The following MAPRE2 variants were observed in gnomAD, a reference collection of about 807,000 sequenced individuals.
MAPRE2 encodes microtubule associated protein RP/EB family member 2.
MAPRE2 carries 13 observed loss-of-function variants against 43.2 expected under a neutral mutation model. The ratio of observed to expected loss-of-function variants is 0.30; its 90% CI spans 0.20 to 0.48. The LOEUF (loss-of-function observed/expected upper bound fraction) is 0.48. MAPRE2 is among the 20% of genes least tolerant of loss of function. The pLI, the probability that MAPRE2 is intolerant of heterozygous loss-of-function variation, is 0.99. For missense variants in MAPRE2, 161 were observed against 400.2 expected (o/e 0.40, Z 5.10); for synonymous variants, 135 against 148.8 (o/e 0.91, Z 0.68).
In MAPRE2 at chr18:35,077,290, C is replaced by A. The variant is rs932469322; in HGVS notation, c.250+6968C>A. Among the ~76,000 whole-genome samples, 4 of 150,366 alleles carry A rather than the reference C, an allele frequency of 2.7e-5. No homozygotes were observed. In the South Asian group the frequency reaches 6.2e-4, roughly 23 times the overall value. On this transcript the variant is annotated intron_variant, in intron 2 of 6. Coordinates refer to ENST00000300249, the MANE Select transcript of MAPRE2 (RefSeq NM_014268.4). ...ACACACATACACACACACACACACA[C>A]AATTGGTACAAAGCAGTACCATTAG...
chr18:35,051,219 C>T (rs1385572865), intron 1 of MAPRE2, among the ~76,000 whole-genome samples: 10 of 152,070 alleles, frequency 6.6e-5, no homozygotes, highest in South Asian at 2.1e-4. Flanking sequence ...ACCTTCCCTT[C>T]GACACTTGTT....
At chr18:35,097,863 GA>G (rs1908498098) in intron 3 of MAPRE2, among the ~76,000 whole-genome samples, 1 of 152,178 alleles carries the variant, frequency 6.6e-6, no homozygotes, top group East Asian at 1.9e-4. Flanking sequence ...TTGCAGATGA[GA>G]AACTTTTAAT....
chr18:34,998,167 C>T (rs1364175637), intron 1 of MAPRE2, among the ~76,000 whole-genome samples: 1 of 151,974 alleles, frequency 6.6e-6, no homozygotes, highest in African/African-American at 2.4e-5. Flanking sequence ...TAAGGCAGAC[C>T]CCACAGCAGG....
chr18:35,039,667 T>G (rs189844990), upstream of MAPRE2, among the ~76,000 whole-genome samples: 1 of 152,340 alleles, frequency 6.6e-6, no homozygotes, highest in East Asian at 1.9e-4. Flanking sequence ...TTCCAGAAAC[T>G]TGATACCAGA....
upstream of MAPRE2, chr18:35,041,214 G>A (rs1905335896): frequency 5.0e-6 from 4 of 807,562 alleles, no homozygotes; most frequent in Non-Finnish European, 6.8e-6. Flanking sequence ...TTACATGCCA[G>A]ATGTAGGCCT....
intron 5 of MAPRE2, among the ~76,000 whole-genome samples, chr18:35,128,041 G>C (rs1371923122): frequency 6.6e-6 from 1 of 152,220 alleles, no homozygotes; most frequent in Non-Finnish European, 1.5e-5. Context: ...CCGTCGTGGT[G>C]ATTAATCTTA....
chr18:35,038,992 A>T (rs376467077), upstream of MAPRE2, among the ~76,000 whole-genome samples: 5 of 152,288 alleles, frequency 3.3e-5, no homozygotes, highest in South Asian at 8.3e-4. Context: ...CCCTTCCTTC[A>T]TGAGCAGACT....
Position 35,053,797 on chromosome 18 carries a change from T to TA in MAPRE2, c.122+12137dup, listed in dbSNP as rs369403185. Among the ~76,000 whole-genome samples, 974 of 151,888 alleles carry TA rather than the reference T, an allele frequency of 6.4e-3. 8 individuals are homozygous for TA. Among genetic ancestry groups the TA allele is most frequent in the African/African-American group, 0.023 (939 of 41,406 alleles). On this transcript the variant is annotated intron_variant, in intron 1 of 6. Transcript: ENST00000300249. The stretch of plus-strand genomic sequence containing the variant: ...TTGGGGTCTACTTGAGAGGGGAAGG[T>TA]AGAAGGAGAGAGAGGAGCAGAAAAA...
intron 2 of MAPRE2, among the ~76,000 whole-genome samples, chr18:35,032,582 T>C (rs2097048339): frequency 6.6e-6 from 1 of 152,184 alleles, no homozygotes; most frequent in Non-Finnish European, 1.5e-5. Context: ...AACATGATTG[T>C]GCTATAAGCT....
chr18:34,991,425 A>C (rs186542097), intron 1 of MAPRE2, among the ~76,000 whole-genome samples: 7 of 152,228 alleles, frequency 4.6e-5, no homozygotes, highest in Non-Finnish European at 8.8e-5. Context: ...GTCCTACAGA[A>C]CTATTATTTG....
chr18:35,116,127 C>T (rs1909399402), intron 4 of MAPRE2, among the ~76,000 whole-genome samples: 1 of 152,160 alleles, frequency 6.6e-6, no homozygotes, highest in Non-Finnish European at 1.5e-5. Context: ...ATAGGAAGAA[C>T]ACCTGAGCTA....
chr18:35,013,802 C>T (rs2097036349), intron 2 of MAPRE2, among the ~76,000 whole-genome samples: 1 of 152,114 alleles, frequency 6.6e-6, no homozygotes, highest in Non-Finnish European at 1.5e-5. Context: ...CCTGGCTTAT[C>T]TCACTTAATA....
intron 2 of MAPRE2, among the ~76,000 whole-genome samples, chr18:35,078,203 A>G (rs1269252155): frequency 3.3e-5 from 5 of 152,196 alleles, no homozygotes; most frequent in Non-Finnish European, 7.4e-5. Flanking sequence ...GATCTTAGAA[A>G]TGTGTTCATA....
chr18:35,120,665 T>C (rs1909628038), intron 4 of MAPRE2, among the ~76,000 whole-genome samples: 3 of 152,202 alleles, frequency 2.0e-5, no homozygotes, highest in African/African-American at 7.2e-5. Context: ...GAAGTCCTCT[T>C]CCTATGGAAT....
At chr18:35,139,926 A>C (rs1007735286) in intron 6 of MAPRE2, among the ~76,000 whole-genome samples, 3 of 152,182 alleles carry the variant, frequency 2.0e-5, no homozygotes, top group African/African-American at 7.2e-5. Flanking sequence ...ATATTACAGC[A>C]GCTTTACTCA....
chr18:35,003,572 C>T (rs1031234055), intron 1 of MAPRE2, among the ~76,000 whole-genome samples: 2 of 152,002 alleles, frequency 1.3e-5, no homozygotes, highest in African/African-American at 2.4e-5. Context: ...AGCAATGGAC[C>T]GTTGTCAGAA....
intron 1 of MAPRE2, among the ~76,000 whole-genome samples, chr18:35,061,112 A>G (rs923040162): frequency 6.6e-6 from 1 of 152,164 alleles, no homozygotes; most frequent in Non-Finnish European, 1.5e-5. Flanking sequence ...GTCAGACTAA[A>G]TGGAACTTTG....
chr18:35,130,153 G>T lies in MAPRE2; in HGVS notation c.751-1879G>T, dbSNP rs368051105. Among the ~76,000 whole-genome samples the T allele has an allele frequency of 5.7e-3, 873 of 152,236 alleles. 7 individuals are homozygous for T. Among genetic ancestry groups the T allele is most frequent in the African/African-American group, 0.02 (842 of 41,508 alleles). On this transcript the variant is annotated intron_variant, in intron 5 of 6. Transcript: ENST00000300249. ...GTCCTTGCCTGGTACAGGGGGCTGG[G>T]GGGGGGTGGCACATCTAAGCTGCCA...
rs369566701 is a variant in MAPRE2 at position 35,005,448 on chromosome 18, T to C, written c.-69-44T>C. 3.7e-5 allele frequency: 46 copies of C among 1,228,460 alleles called. 1 individual carries two copies. Among genetic ancestry groups the C allele is most frequent in the Admixed American group, 1.5e-4 (7 of 45,556 alleles). 76.1% of individuals were successfully genotyped at this position (1,228,460 alleles called of 1,614,324 possible). A position where few individuals can be genotyped will look rare whatever the true frequency, so the allele number is the denominator to read the frequency against. On this transcript the variant is annotated intron_variant, in intron 1 of 7. Coordinates refer to the MAPRE2 transcript ENST00000413393. ...TCTTTGCTTCCATATTTTCATCATA[T>C]TAAATGCTTGCACTCTTTTTTTCTT... is the stretch of plus-strand genomic sequence containing the variant.
Sources: allele counts gnomAD v4.1 joint callset (sites outside exome capture counted in the v4.1 genomes callset), GRCh38; gene constraint gnomAD v4.1.1; transcripts MANE v1.5; gene names NCBI Gene and HGNC (gene_info 2026-07-23, HGNC 2026-07-21).